Variants in PKLR observed in about 807,000 individuals in gnomAD.
PKLR encodes pyruvate kinase L/R.
In PKLR, 38 loss-of-function variants were observed where a neutral mutation model predicts 53.6. The ratio of observed to expected loss-of-function variants is 0.71; its 90% CI spans 0.55 to 0.93. PKLR has a LOEUF of 0.93. Among genes scored for constraint, PKLR ranks in the 40% least tolerant of loss-of-function variants. The pLI, the probability that PKLR is intolerant of heterozygous loss-of-function variation, is 0.00. For synonymous variants in PKLR, 328 were observed against 316.2 expected, an observed-to-expected ratio of 1.04 and a Z score of -0.39; for missense variants, 702 against 787.3, an observed-to-expected ratio of 0.89 and a Z score of 1.30.
intron 9 of PKLR, among the ~76,000 whole-genome samples, chr1:155,292,573 G>T (rs1057012177): frequency 1.3e-5 from 2 of 152,200 alleles, no homozygotes; most frequent in Non-Finnish European, 1.5e-5. Flanking sequence ...GGAGGTGAAG[G>T]TTGTGGTGAG....
At chr1:155,296,081 G>C (rs1159756051) in intron 2 of PKLR, among the ~76,000 whole-genome samples, 1 of 152,194 alleles carries the variant, frequency 6.6e-6, no homozygotes, top group African/African-American at 2.4e-5. Context: ...ATGGGGTGTA[G>C]GGCAGGGGCT....
chr1:155,294,892 C>T lies in PKLR; in HGVS notation c.695-140G>A, dbSNP rs910920965. 7.4e-6 allele frequency: 9 copies of T among 1,215,966 alleles called. No homozygotes were observed. In the African/African-American group the frequency reaches 1.2e-4, roughly 16 times the overall value. The allele number at this position is 1,215,966 out of a possible 1,614,324, so 75.3% of individuals were successfully genotyped here. Reference sequence around the variant, plus strand: ...TCTCCGCCCTTGTTCTGGGCTTCGCCCGGAAGAGGCACAGATGGACGTCCG... The same window carrying T: ...TCTCCGCCCTTGTTCTGGGCTTCGCTCGGAAGAGGCACAGATGGACGTCCG... On this transcript the variant is annotated intron_variant, in intron 5 of 10. Coordinates refer to ENST00000342741, the MANE Select transcript of PKLR (RefSeq NM_000298.6).
upstream of PKLR, among the ~76,000 whole-genome samples, chr1:155,302,049 T>C (rs960029671): frequency 1.3e-5 from 2 of 151,874 alleles, no homozygotes; most frequent in Non-Finnish European, 2.9e-5. Context: ...TTTTTTCTTT[T>C]TCTTTTTTCT....
At chr1:155,291,043 A>T (rs974587317) in intron 10 of PKLR, among the ~76,000 whole-genome samples, 13 of 148,720 alleles carry the variant, frequency 8.7e-5, no homozygotes, top group African/African-American at 2.0e-4. Context: ...ATAATAATAA[A>T]AGAAGAAAAG....
At position 155,293,610 on chromosome 1, in the gene PKLR, T is replaced by A. The variant is rs775739870; in HGVS notation, c.1117-20A>T. 38 of 1,613,668 alleles carry A rather than the reference T, an allele frequency of 2.4e-5. No individual in the cohort carries two copies. Among genetic ancestry groups the A allele is most frequent in the Middle Eastern group, 1.6e-4 (1 of 6,082 alleles). ...CAGCATCTGGGGGACAGCGTGGATG[T>A]CAAAGTTGTAGGACTCACACTGTGA... On this transcript the variant is annotated intron_variant, in intron 7 of 10. Coordinates refer to ENST00000342741, the MANE Select transcript of PKLR (RefSeq NM_000298.6). This position sits in a 1 kb window ranked among gnomAD's most constrained non-coding sequence, Gnocchi z 4.2.
Position 155,294,219 on chromosome 1 carries a change from A to C in PKLR, c.1116+16T>G, listed in dbSNP as rs749267549. The C allele has an allele frequency of 1.9e-6, 3 of 1,613,962 alleles. No individual in the cohort carries two copies. The highest frequency in any genetic ancestry group is 2.5e-6 in the Non-Finnish European group (3 of 1,179,796). On this transcript the variant is annotated intron_variant, in intron 7 of 10. Transcript: ENST00000342741. ...AAAACCCACAGAGTGCCGAACCTCA[A>C]GGCCTCACTCCAGACCTGTGTGGCA...
Position 155,299,026 on chromosome 1 carries a change from CTTTCTTTCTCT to C in PKLR, c.283+1061_283+1071del, listed in dbSNP as rs1320856556. ...TCTTTCTTTCTTTCTTTCTTTCTTTCTTTCTTTCTCTTTCTTTCTTTCTTTCCTTCCTTCCT... is the reference window on the plus strand; with the variant it reads ...TCTTTCTTTCTTTCTTTCTTTCTTTCTTCTTTCTTTCTTTCCTTCCTTCCT... On this transcript the variant is annotated intron_variant, in intron 2 of 10. Coordinates refer to ENST00000342741, the MANE Select transcript of PKLR (RefSeq NM_000298.6). 6.8e-3 allele frequency among the ~76,000 whole-genome samples: 627 copies of C among 92,400 alleles called. 20 individuals carry two copies. The highest frequency in any genetic ancestry group is 0.023 in the African/African-American group (437 of 19,406). 60.6% of individuals were successfully genotyped at this position (92,400 alleles called of 152,430 possible).
chr1:155,296,096 G>C (rs1170004410), intron 2 of PKLR, among the ~76,000 whole-genome samples: 1 of 152,180 alleles, frequency 6.6e-6, no homozygotes, highest in Non-Finnish European at 1.5e-5. Flanking sequence ...GGGGCTGGGA[G>C]CCAGGTGAGG....
chr1:155,294,273 A>G lies in PKLR; in HGVS notation c.1078T>C (p.Cys360Arg). ...ACAACAGGCTTGCCCGCCAAGTTGC[A>G]GCGCCCAATCATCATCTTCTGAGCC... ...FLAQKMMIGR[C>R]NLAGKPVVCA... Residue 360 changes from cysteine (C) to arginine (R), a missense_variant, in exon 7 of 11, where the codon TGC becomes CGC. Cys to Arg is a radical substitution (Grantham distance 180, BLOSUM62 -3). Coordinates refer to ENST00000342741, the MANE Select transcript of PKLR (RefSeq NM_000298.6). The G allele has an allele frequency of 6.2e-7, 1 of 1,614,210 alleles. No individual in the cohort carries two copies. Among genetic ancestry groups the G allele is most frequent in the Non-Finnish European group, 8.5e-7 (1 of 1,180,046 alleles).
chr1:155,307,710 C>T, the PKLR span, among the ~76,000 whole-genome samples: 4 of 152,222 alleles, frequency 2.6e-5, no homozygotes, highest in African/African-American at 4.8e-5. Context: ...GGCCAAGTGG[C>T]TCGTACTTGT....
At chr1:155,297,577 C>G (rs1041067355) in intron 2 of PKLR, among the ~76,000 whole-genome samples, 1 of 152,182 alleles carries the variant, frequency 6.6e-6, no homozygotes, top group Non-Finnish European at 1.5e-5. Context: ...CCCTTCCCCC[C>G]ACCCCCCATC....
upstream of PKLR, among the ~76,000 whole-genome samples, chr1:155,302,149 C>G (rs1275681923): frequency 6.6e-6 from 1 of 151,480 alleles, no homozygotes; most frequent in Non-Finnish European, 1.5e-5. Context: ...CCTCTGCGAT[C>G]CTCCTGCCTC....
the PKLR span, among the ~76,000 whole-genome samples, chr1:155,307,064 G>A: frequency 2.0e-5 from 3 of 152,244 alleles, no homozygotes; most frequent in East Asian, 3.9e-4. Context: ...ACAGGTGTGC[G>A]CCACCATGCT....
intron 2 of PKLR, among the ~76,000 whole-genome samples, chr1:155,299,390 A>G (rs531419226): frequency 1.4e-5 from 2 of 145,266 alleles, no homozygotes; most frequent in African/African-American, 5.2e-5. Context: ...GGGTTTTGCC[A>G]TTTACCCAGA....
In PKLR at chr1:155,294,343, T is replaced by C. The variant is rs897797362; in HGVS notation, c.1008A>G (p.Ala336=). The C allele has an allele frequency of 1.9e-6, 3 of 1,614,038 alleles. No homozygotes were observed. Among genetic ancestry groups the C allele is most frequent in the Non-Finnish European group, 2.5e-6 (3 of 1,179,982 alleles). The change falls in exon 7 of 11, where the codon GCA becomes GCG. Residue 336 remains alanine (A), a synonymous_variant. Transcript: ENST00000342741. The part of the protein sequence containing the change: ...ILEVSDGIMV[A]RGDLGIEIPA... ...GGATCTCGATGCCTAGGTCCCCCCG[T>C]GCCACCATGATGCCGTCGCTCACCT...
At chr1:155,306,169 G>T (rs1648229996), upstream of PKLR, among the ~76,000 whole-genome samples, 1 of 152,208 alleles carries the variant, frequency 6.6e-6, no homozygotes, top group African/African-American at 2.4e-5. The surrounding 1 kb of genome is among the most constrained non-coding windows in gnomAD (Gnocchi z 4.2). Flanking sequence ...TCTGCACTTT[G>T]TCACAGGATC....
intron 2 of PKLR, among the ~76,000 whole-genome samples, chr1:155,299,814 T>A (rs1357268316): frequency 6.6e-6 from 1 of 152,124 alleles, no homozygotes; most frequent in Non-Finnish European, 1.5e-5. Context: ...CCTCACTTTC[T>A]AACGGAATAA....
chr1:155,308,565 C>A, the PKLR span: 1 of 985,420 alleles, frequency 1.0e-6, no homozygotes, highest in Non-Finnish European at 1.2e-6. Context: ...TGCCAATCAG[C>A]TGCCCAGGAA....
chr1:155,307,977 A>C, the PKLR span, among the ~76,000 whole-genome samples: 1 of 151,830 alleles, frequency 6.6e-6, no homozygotes, highest in African/African-American at 2.4e-5. Flanking sequence ...GGGTTTTGCC[A>C]TGTTGACCAG....
Sources: allele counts gnomAD v4.1 joint callset (sites outside exome capture counted in the v4.1 genomes callset), GRCh38; gene constraint gnomAD v4.1.1; non-coding constraint Gnocchi (gnomAD v3.1); transcripts MANE v1.5; gene names NCBI Gene and HGNC (gene_info 2026-07-23, HGNC 2026-07-21).